Variants in DCTN3 observed in about 807,000 individuals in gnomAD.
The protein encoded by DCTN3 is dynactin subunit 3.
In DCTN3, 25 loss-of-function variants were observed where a neutral mutation model predicts 28.4. That is an observed-to-expected ratio of 0.88 (90% CI 0.64 to 1.23). DCTN3 has a LOEUF of 1.23. DCTN3 is among the 50% of genes most tolerant of loss of function. DCTN3 has a pLI of 0.00. For synonymous variants in DCTN3, 81 were observed against 91.4 expected (o/e 0.89, Z 0.65); for missense variants, 229 against 232.0 (o/e 0.99, Z 0.08).
chr9:34,617,985 A>G lies in DCTN3; in HGVS notation c.182-14T>C. On this transcript the variant is annotated splice_polypyrimidine_tract_variant and intron_variant, in intron 2 of 6. Coordinates refer to ENST00000259632, the MANE Select transcript of DCTN3 (RefSeq NM_007234.5). ...TCAGATCTTCAACTAGAAAAGTAGCAAGATGGAAAATGGAATAGGGTTGGG... is the reference window on the plus strand; with the variant it reads ...TCAGATCTTCAACTAGAAAAGTAGCGAGATGGAAAATGGAATAGGGTTGGG... 2 of 1,611,360 alleles carry G rather than the reference A, an allele frequency of 1.2e-6. No homozygotes were observed. The highest frequency in any genetic ancestry group is 1.7e-6 in the Non-Finnish European group (2 of 1,177,862).
Position 34,620,424 on chromosome 9 carries a change from A to G in DCTN3, c.41T>C (p.Val14Ala). ...GTACACCCAGCGCTCCAGCTCTTCC[A>G]CTCGGGCCTGTAGCCGCTGCAAGTC... is the stretch of plus-strand genomic sequence containing the variant. ...LTDLQRLQARVEELERWVYGP... is the reference protein window; with the variant it reads ...LTDLQRLQARAEELERWVYGP... Residue 14 changes from valine (V) to alanine (A), a missense_variant, in exon 1 of 7, where the codon GTG becomes GCG. Val to Ala is a moderately conservative substitution (Grantham distance 64). Transcript: ENST00000259632. The G allele has an allele frequency of 6.4e-7, 1 of 1,562,032 alleles. No individual in the cohort carries two copies. Among genetic ancestry groups the G allele is most frequent in the Non-Finnish European group, 8.7e-7 (1 of 1,154,180 alleles).
intron 4 of DCTN3, 199 bp from the exon 5 acceptor site, chr9:34,614,967 G>C: frequency 1.6e-6 from 1 of 613,236 alleles, no homozygotes; most frequent in Non-Finnish European, 2.8e-6. Flanking sequence ...CATAGGGGAG[G>C]GGAAGATACA....
intron 2 of DCTN3, 40 bp from the exon 3 acceptor site, chr9:34,618,011 C>A: frequency 1.3e-6 from 2 of 1,590,776 alleles, no homozygotes; most frequent in South Asian, 2.3e-5. Context: ...TAGGGTTGGG[C>A]AGTAGAGCTC....
intron 5 of DCTN3, 191 bp downstream of exon 5, chr9:34,614,519 C>A (rs1009766215): frequency 1.5e-6 from 1 of 665,400 alleles, no homozygotes; most frequent in Non-Finnish European, 2.5e-6. Context: ...GCTCTGGAAG[C>A]AGAAAGTTTG....
chr9:34,615,843 G>T, intron 4 of DCTN3, 187 bp downstream of exon 4: 1 of 450,856 alleles, frequency 2.2e-6, no homozygotes, highest in Non-Finnish European at 4.0e-6. Context: ...AGCGGTTGCA[G>T]TGAGTCAAGA....
intron 4 of DCTN3, 108 bp downstream of exon 4, chr9:34,615,922 G>T: frequency 1.3e-6 from 1 of 793,034 alleles, no homozygotes; most frequent in Non-Finnish European, 2.0e-6. Flanking sequence ...AAAAGATAAG[G>T]AACAGACCCA....
In DCTN3 at chr9:34,613,562, G is replaced by A; in HGVS notation, c.*220C>T. 2.2e-6 allele frequency: 1 copy of A among 446,088 alleles called. No individual in the cohort carries two copies. The highest frequency in any genetic ancestry group is 4.0e-6 in the Non-Finnish European group (1 of 247,074). The allele number at this position is 446,088 out of a possible 1,614,324, so 27.6% of individuals were successfully genotyped here. A position where few individuals can be genotyped will look rare whatever the true frequency, so the allele number is the denominator to read the frequency against. ...GCACACTCCTCCAGTCATCTCTATGGTTTATTGTCACTGAAATAAGAACAC... is the reference window on the plus strand; with the variant it reads ...GCACACTCCTCCAGTCATCTCTATGATTTATTGTCACTGAAATAAGAACAC... On this transcript the variant is annotated 3_prime_UTR_variant, in exon 7 of 7. Coordinates refer to ENST00000259632, the MANE Select transcript of DCTN3 (RefSeq NM_007234.5).
chr9:34,620,187 C>T (rs948375715), intron 1 of DCTN3, among the ~76,000 whole-genome samples, 182 bp downstream of exon 1: 1 of 152,312 alleles, frequency 6.6e-6, no homozygotes, highest in South Asian at 2.1e-4. Flanking sequence ...GCTTAACCAC[C>T]CGCAGAGCCC....
At chr9:34,619,363 C>G (rs899138251) in intron 1 of DCTN3, among the ~76,000 whole-genome samples, 2 of 152,164 alleles carry the variant, frequency 1.3e-5, no homozygotes. Context: ...AAATCTGGAC[C>G]AGAGATATAC....
intron 5 of DCTN3, 97 bp from the exon 6 acceptor site, chr9:34,614,198 C>T: frequency 1.9e-6 from 3 of 1,606,080 alleles, no homozygotes; most frequent in Non-Finnish European, 2.6e-6. Flanking sequence ...CCCCATGGAG[C>T]CTAAAAAAGA....
At chr9:34,614,966 G>C in intron 4 of DCTN3, 198 bp from the exon 5 acceptor site, 2 of 616,664 alleles carry the variant, frequency 3.2e-6, no homozygotes, top group Non-Finnish European at 2.8e-6. Context: ...CCATAGGGGA[G>C]GGGAAGATAC....
chr9:34,614,029 G>C lies in DCTN3; in HGVS notation c.471+13C>G, dbSNP rs183997075. 3 of 1,606,390 alleles carry C rather than the reference G, an allele frequency of 1.9e-6. No individual in the cohort carries two copies. The highest frequency in any genetic ancestry group is 3.3e-5 in the Admixed American group (2 of 59,742). On this transcript the variant is annotated intron_variant, in intron 6 of 6. Transcript: ENST00000259632. ...CAGCACCCATTAGGGTCCTAGTTGA[G>C]CAGAAAGGATACAGTCTTGTTGTAT...
rs528809460 is a variant in DCTN3, at chr9:34,616,153, C to G, written c.269-40G>C. On this transcript the variant is annotated intron_variant, in intron 3 of 6. Transcript: ENST00000259632. The surrounding 1 kb of genome is among the most constrained non-coding windows in gnomAD (Gnocchi z 4.7). ...GACAAGATAGTTGCAGTGAAGCAAA[C>G]CTGGGCATTGCTAATCAGCCCATGT... The G allele has an allele frequency of 6.5e-7, 1 of 1,542,206 alleles. No homozygotes were observed. The highest frequency in any genetic ancestry group is 9.0e-7 in the Non-Finnish European group (1 of 1,116,150).
rs1348007708 is a variant in DCTN3, at chr9:34,620,484, C to A, written c.-20G>T. The A allele has an allele frequency of 1.2e-5, 19 of 1,546,898 alleles. No individual in the cohort carries two copies. The South Asian group carries it at 1.9e-4, about 15-fold the overall frequency. ...CGCCATCGCTACTACCGACCCACCTCGGCCAGGAAACAGCCAGAGGGCGGG... is the reference window on the plus strand; with the variant it reads ...CGCCATCGCTACTACCGACCCACCTAGGCCAGGAAACAGCCAGAGGGCGGG... On this transcript the variant is annotated 5_prime_UTR_variant, in exon 1 of 7. Coordinates refer to ENST00000259632, the MANE Select transcript of DCTN3 (RefSeq NM_007234.5).
Position 34,613,598 on chromosome 9 carries a change from G to C in DCTN3, c.*184C>G. The C allele has an allele frequency of 1.8e-6, 1 of 546,812 alleles. No individual in the cohort carries two copies. Among genetic ancestry groups the C allele is most frequent in the Non-Finnish European group, 3.1e-6 (1 of 319,970 alleles). 33.9% of individuals were successfully genotyped at this position (546,812 alleles called of 1,614,324 possible). On this transcript the variant is annotated 3_prime_UTR_variant, in exon 7 of 7. Transcript: ENST00000259632. ...CTGAAATAAGAACACTGATTGGGGG[G>C]AGGGTGGGTGTTGCAAATTGCAAAC...
At position 34,618,677 on chromosome 9, in the gene DCTN3, C is replaced by G; in HGVS notation, c.180G>C (p.Lys60Asn). ...CAGGCACATCATGGAAGCACTTACT[C>G]TTTTTGTAGAGAATCTTCACCCTCT... Reference protein sequence around the residue: ...KRERVKILYKKIEDLIKYLDP... With the variant: ...KRERVKILYKNIEDLIKYLDP... The change falls in exon 2 of 7, where the codon AAG becomes AAC. Residue 60 changes from lysine (K) to asparagine (N), a missense_variant and splice_region_variant. By Grantham distance (94) the Lys-to-Asn change is moderately conservative. Transcript: ENST00000259632. 1 of 1,613,766 alleles carries G rather than the reference C, an allele frequency of 6.2e-7. No individual in the cohort carries two copies. The highest frequency in any genetic ancestry group is 8.5e-7 in the Non-Finnish European group (1 of 1,179,656).
At position 34,614,188 on chromosome 9, in the gene DCTN3, C is replaced by T. The variant is rs557259994; in HGVS notation, c.412-87G>A. On this transcript the variant is annotated intron_variant, in intron 5 of 6. Coordinates refer to ENST00000259632, the MANE Select transcript of DCTN3 (RefSeq NM_007234.5). ...TCCTGCCTCATCACGGACTCCCACT[C>T]CCCATGGAGCCTAAAAAAGATGACG... The T allele has an allele frequency of 7.1e-5, 114 of 1,608,930 alleles. 2 individuals are homozygous for T. The South Asian group carries it at 1.2e-3, about 17-fold the overall frequency.
chr9:34,615,027 C>T (rs1035853971), intron 4 of DCTN3: 5 of 507,030 alleles, frequency 9.9e-6, no homozygotes, highest in South Asian at 2.8e-5. Context: ...TGCTCCCTAC[C>T]CCCACCCCAG....
In DCTN3 at chr9:34,613,791, T is replaced by C. The variant is rs779633149; in HGVS notation, c.552A>G (p.Ala184=). The change falls in exon 7 of 7, where the codon GCA becomes GCG. Residue 184 remains alanine (A), a synonymous_variant. Coordinates refer to ENST00000259632, the MANE Select transcript of DCTN3 (RefSeq NM_007234.5). The part of the protein sequence containing the change: ...QLEAATQVKP[A]EE ...GGATGGGGAGCAGCTATCACTCCTC[T>C]GCTGGCTTCACTTGCGTGGCGGCCT... The C allele has an allele frequency of 6.2e-6, 10 of 1,613,872 alleles. No individual in the cohort carries two copies.
Sources: allele counts gnomAD v4.1 joint callset (sites outside exome capture counted in the v4.1 genomes callset), GRCh38; gene constraint gnomAD v4.1.1; non-coding constraint Gnocchi (gnomAD v3.1); transcripts MANE v1.5; gene names NCBI Gene and HGNC (gene_info 2026-07-23, HGNC 2026-07-21).